BICRAL: variants seen among roughly 807,000 people sequenced by gnomAD.
The protein encoded by BICRAL is BRD4-interacting chromatin-remodeling complex-associated protein-like.
BICRAL carries 8 observed loss-of-function variants against 91.8 expected under a neutral mutation model. The ratio of observed to expected loss-of-function variants is 0.09; its 90% CI spans 0.05 to 0.16. BICRAL has a LOEUF of 0.16. Ranked by LOEUF, BICRAL falls within the 10% of genes least tolerant of loss-of-function variation. BICRAL has a pLI of 1.00. For synonymous variants in BICRAL, 445 were observed against 491.1 expected, an observed-to-expected ratio of 0.91 and a Z score of 1.24; for missense variants, 1,038 against 1,310.9, an observed-to-expected ratio of 0.79 and a Z score of 3.21.
rs927166185 is a variant in BICRAL, at chr6:42,835,623, C to T, written c.1839+5451C>T. Among the ~76,000 whole-genome samples the T allele has an allele frequency of 6.6e-5, 10 of 151,932 alleles. No homozygotes were observed. In the East Asian group the frequency reaches 1.7e-3, roughly 26 times the overall value. ...TGTGTTTAGCCTAAGTGTTTACAGT[C>T]AACATACTGTGTTCAAAAGTTACTT... On this transcript the variant is annotated intron_variant, in intron 6 of 12. Coordinates refer to ENST00000314073, the MANE Select transcript of BICRAL (RefSeq NM_001393499.1).
At chr6:42,821,992 T>G (rs1438397986) in intron 2 of BICRAL, 26 bp from the exon 3 acceptor site, 1 of 1,531,750 alleles carries the variant, frequency 6.5e-7, no homozygotes, top group Admixed American at 1.7e-5. Flanking sequence ...TACTGAAACC[T>G]GTTTTCCTCT....
At position 42,864,676 on chromosome 6, in the gene BICRAL, T is replaced by C. The variant is rs747032453; in HGVS notation, c.2470T>C (p.Phe824Leu). 1.2e-6 allele frequency: 2 copies of C among 1,613,708 alleles called. No individual in the cohort carries two copies. The highest frequency in any genetic ancestry group is 1.7e-6 in the Non-Finnish European group (2 of 1,179,718). ...ATTTCCAGAGGGTTTTCAGGCTGAT[T>C]TCTGTTGTTCCTTCAAACTTGATAA... ...LVDPEGFQAD[F>L]CCSFKLDKAA... is the part of the protein sequence containing the mutation. The change falls in exon 13 of 13, where the codon TTC (phenylalanine) becomes CTC (leucine). Residue 824 changes from phenylalanine (F) to leucine (L), a missense_variant. By Grantham distance (22) the Phe-to-Leu change is conservative. Coordinates refer to ENST00000314073, the MANE Select transcript of BICRAL (RefSeq NM_001393499.1).
Position 42,800,584 on chromosome 6 carries a change from T to C in BICRAL, c.-101-9722T>C, listed in dbSNP as rs1763536857. Among the ~76,000 whole-genome samples the C allele has an allele frequency of 2.0e-5, 3 of 151,972 alleles. No individual in the cohort carries two copies. In the South Asian group the frequency reaches 6.2e-4, roughly 32 times the overall value. Reference sequence around the variant, plus strand: ...TTTTTTTTTGAGACAGGGTCCCGCTTCATCGCCCAGGCTAGAGTGCAGTGC... The same window carrying C: ...TTTTTTTTTGAGACAGGGTCCCGCTCCATCGCCCAGGCTAGAGTGCAGTGC... On this transcript the variant is annotated intron_variant, in intron 1 of 12. Transcript: ENST00000314073.
intron 6 of BICRAL, among the ~76,000 whole-genome samples, chr6:42,831,282 G>A (rs1764468823): frequency 6.6e-6 from 1 of 152,208 alleles, no homozygotes; most frequent in Non-Finnish European, 1.5e-5. Flanking sequence ...TGAAGATGTG[G>A]TAGCTGCTTC....
chr6:42,849,591 C>G lies in BICRAL; in HGVS notation c.1840-2501C>G, dbSNP rs185914837. Among the ~76,000 whole-genome samples the G allele has an allele frequency of 5.9e-5, 9 of 152,046 alleles. No individual in the cohort carries two copies. The East Asian group carries it at 9.7e-4, about 16-fold the overall frequency. On this transcript the variant is annotated intron_variant, in intron 6 of 12. Coordinates refer to ENST00000314073, the MANE Select transcript of BICRAL (RefSeq NM_001393499.1). ...AGTAGCTGGGGCTATAGGTGCCCAC[C>G]ACCACGCCCAGCTAATTTTTTGTAT...
Position 42,852,214 on chromosome 6 carries a change from G to C in BICRAL, c.1945+17G>C. 6.9e-7 allele frequency: 1 copy of C among 1,441,866 alleles called. No homozygotes were observed. Among genetic ancestry groups the C allele is most frequent in the Non-Finnish European group, 9.8e-7 (1 of 1,022,846 alleles). 89.3% of individuals were successfully genotyped at this position (1,441,866 alleles called of 1,614,324 possible). A position where few individuals can be genotyped will look rare whatever the true frequency, so the allele number is the denominator to read the frequency against. ...CACTGCCAGGTCAGGAGCTTCCTCA[G>C]TTTGTCCCTGTCCTCCCAACACCAC... On this transcript the variant is annotated intron_variant, in intron 7 of 12. Transcript: ENST00000314073.
At chr6:42,845,138 G>A (rs1481084650) in intron 6 of BICRAL, among the ~76,000 whole-genome samples, 1 of 136,782 alleles carries the variant, frequency 7.3e-6, no homozygotes, top group Non-Finnish European at 1.5e-5. Context: ...TGGTAAATTT[G>A]AGATAAAGAC....
At chr6:42,766,913 G>A (rs530494673) in intron 1 of BICRAL, among the ~76,000 whole-genome samples, 2,022 of 152,222 alleles carry the variant, frequency 0.013, 53 homozygotes, top group African/African-American at 0.047. Flanking sequence ...GGTGGCAGGC[G>A]TCTGTAGTCC....
chr6:42,860,381 GTTC>G (rs760720953), intron 11 of BICRAL, 25 bp downstream of exon 11: 3 of 1,398,452 alleles, frequency 2.1e-6, no homozygotes, highest in Non-Finnish European at 3.0e-6. Context: ...ACTGATATTT[GTTC>G]TTTAAAACTT....
chr6:42,831,874 G>A (rs1407974846), intron 6 of BICRAL, among the ~76,000 whole-genome samples: 2 of 151,816 alleles, frequency 1.3e-5, no homozygotes, highest in African/African-American at 4.8e-5. Flanking sequence ...AAGTAGCCGG[G>A]AACACAGGTG....
chr6:42,829,619 C>T lies in BICRAL; in HGVS notation c.1286C>T (p.Pro429Leu). 1 of 1,614,180 alleles carries T rather than the reference C, an allele frequency of 6.2e-7. No individual in the cohort carries two copies. The change falls in exon 6 of 13, where the codon CCC becomes CTC. Residue 429 changes from proline to leucine, a missense_variant. Physicochemically the swap from Pro to Leu is moderately conservative, Grantham distance 98. Transcript: ENST00000314073. Reference sequence around the variant, plus strand: ...AATGGGCAACTTCTTCAAACTCAACCCTCTCAGCTCATTTCTGGCCAAGTG... The same window carrying T: ...AATGGGCAACTTCTTCAAACTCAACTCTCTCAGCTCATTTCTGGCCAAGTG... ...TINGQLLQTQPSQLISGQVAS... is the reference protein window; with the variant it reads ...TINGQLLQTQLSQLISGQVAS...
At chr6:42,763,610 C>T (rs1283090251) in intron 1 of BICRAL, among the ~76,000 whole-genome samples, 4 of 151,940 alleles carry the variant, frequency 2.6e-5, no homozygotes, top group Non-Finnish European at 4.4e-5. Flanking sequence ...CACTTGAGGT[C>T]AGGAGTTCAA....
chr6:42,780,580 C>T (rs180761090), upstream of BICRAL, among the ~76,000 whole-genome samples: 10 of 152,114 alleles, frequency 6.6e-5, no homozygotes, highest in East Asian at 1.7e-3. Context: ...TTTTTTAAAA[C>T]CTGAATTACA....
intron 1 of BICRAL, among the ~76,000 whole-genome samples, chr6:42,789,858 C>A (rs1025503910): frequency 1.3e-5 from 2 of 152,082 alleles, no homozygotes; most frequent in Non-Finnish European, 2.9e-5. Flanking sequence ...TATTTGCTCC[C>A]ATGTTTACTG....
intron 6 of BICRAL, among the ~76,000 whole-genome samples, chr6:42,840,661 CT>C (rs1351710307): frequency 2.0e-5 from 3 of 152,072 alleles, no homozygotes; most frequent in Non-Finnish European, 4.4e-5. Flanking sequence ...TCAGCACCCC[CT>C]AGTAGCTGGG....
chr6:42,853,012 C>A (rs1248056159), intron 7 of BICRAL, among the ~76,000 whole-genome samples: 1 of 146,994 alleles, frequency 6.8e-6, no homozygotes, highest in African/African-American at 2.5e-5. Context: ...CTGCAGTGAG[C>A]TATGATTGCG....
chr6:42,748,855 C>G (rs906495847), intron 1 of BICRAL, among the ~76,000 whole-genome samples: 2 of 152,156 alleles, frequency 1.3e-5, no homozygotes, highest in Non-Finnish European at 1.5e-5. Flanking sequence ...GTGTTTGCAT[C>G]CTCTCTCTGC....
chr6:42,859,483 G>A (rs1765486825), intron 10 of BICRAL, among the ~76,000 whole-genome samples: 1 of 151,966 alleles, frequency 6.6e-6, no homozygotes. Context: ...ACAGAGGACA[G>A]AGCCACATGA....
At chr6:42,789,046 A>T (rs1763190805) in intron 1 of BICRAL, among the ~76,000 whole-genome samples, 1 of 152,162 alleles carries the variant, frequency 6.6e-6, no homozygotes. Flanking sequence ...GGTGATTTTG[A>T]TGATGAACCT....
Sources: allele counts gnomAD v4.1 joint callset (sites outside exome capture counted in the v4.1 genomes callset), GRCh38; gene constraint gnomAD v4.1.1; transcripts MANE v1.5; gene names NCBI Gene and HGNC (gene_info 2026-07-23, HGNC 2026-07-21).